ASCC3: variants seen among roughly 807,000 people sequenced by gnomAD.
The protein encoded by ASCC3 is ASC-1 complex subunit P200.
A neutral mutation model predicts 256.3 loss-of-function variants in ASCC3; 158 were observed. That is an observed-to-expected ratio of 0.62 (90% CI 0.54 to 0.70). ASCC3 has a LOEUF of 0.70. Ranked by LOEUF, ASCC3 falls within the 30% of genes least tolerant of loss-of-function variation. The pLI is 0.00. For synonymous variants in ASCC3, 948 were observed against 883.4 expected, an observed-to-expected ratio of 1.07 and a Z score of -1.30; for missense variants, 2,259 against 2,626.0, an observed-to-expected ratio of 0.86 and a Z score of 3.05.
chr6:100,873,574 A>G (rs544822539), intron 1 of ASCC3, among the ~76,000 whole-genome samples: 2 of 152,316 alleles, frequency 1.3e-5, no homozygotes, highest in East Asian at 3.9e-4. Context: ...GCACACTGTC[A>G]TCAGGTTATC....
At chr6:100,773,027 C>A (rs780683738) in intron 8 of ASCC3, among the ~76,000 whole-genome samples, 1 of 152,152 alleles carries the variant, frequency 6.6e-6, no homozygotes, top group South Asian at 2.1e-4. Context: ...ATAAAATATC[C>A]TAATTATTTC....
intron 4 of ASCC3, among the ~76,000 whole-genome samples, chr6:100,836,837 G>C (rs1582940291): frequency 6.6e-6 from 1 of 152,246 alleles, no homozygotes; most frequent in East Asian, 1.9e-4. Context: ...TTTATTGGCA[G>C]AATTCAGAAG....
At chr6:100,742,581 C>T (rs1478076411) in intron 10 of ASCC3, among the ~76,000 whole-genome samples, 1 of 152,182 alleles carries the variant, frequency 6.6e-6, no homozygotes, top group East Asian at 1.9e-4. Flanking sequence ...GCTGAAGCCC[C>T]CACAGGGAGG....
chr6:100,528,425 T>C (rs1774703049), intron 37 of ASCC3, among the ~76,000 whole-genome samples: 1 of 152,184 alleles, frequency 6.6e-6, no homozygotes, highest in Non-Finnish European at 1.5e-5. Flanking sequence ...CTTCTTCCCT[T>C]TATTTATGCA....
chr6:100,574,028 G>C (rs1020213336), intron 36 of ASCC3, among the ~76,000 whole-genome samples: 1 of 152,012 alleles, frequency 6.6e-6, no homozygotes, highest in African/African-American at 2.4e-5. Context: ...CTAAACACTT[G>C]CCATGCTTAC....
At chr6:100,871,702 G>A (rs1195475224) in intron 1 of ASCC3, among the ~76,000 whole-genome samples, 1 of 152,164 alleles carries the variant, frequency 6.6e-6, no homozygotes, top group East Asian at 1.9e-4. Flanking sequence ...GAAGGTCAAG[G>A]CTGCAGTAAG....
intron 1 of ASCC3, among the ~76,000 whole-genome samples, chr6:100,875,324 T>C (rs1436924279): frequency 6.6e-6 from 1 of 152,188 alleles, no homozygotes; most frequent in Non-Finnish European, 1.5e-5. Context: ...TCTATATGTA[T>C]AGAGGGCATC....
intron 36 of ASCC3, among the ~76,000 whole-genome samples, chr6:100,588,723 T>C (rs1771833768): frequency 6.6e-6 from 1 of 152,066 alleles, no homozygotes; most frequent in South Asian, 2.1e-4. Context: ...ACAAACTAGT[T>C]TCTTGTAGGG....
At chr6:100,716,320 A>C (rs1015968345) in intron 12 of ASCC3, among the ~76,000 whole-genome samples, 4 of 151,830 alleles carry the variant, frequency 2.6e-5, no homozygotes, top group Non-Finnish European at 5.9e-5. Flanking sequence ...AAAGGGTCTC[A>C]TATTCCTTAT....
intron 4 of ASCC3, among the ~76,000 whole-genome samples, chr6:100,832,568 A>G (rs919181862): frequency 6.6e-6 from 1 of 152,090 alleles, no homozygotes; most frequent in Non-Finnish European, 1.5e-5. Context: ...TGAATAAATC[A>G]TTTTTAACTT....
At chr6:100,546,531 A>G (rs947221872) in intron 36 of ASCC3, among the ~76,000 whole-genome samples, 12 of 152,182 alleles carry the variant, frequency 7.9e-5, no homozygotes, top group African/African-American at 2.9e-4. Context: ...AGACAACATT[A>G]AAAACGTGCT....
At chr6:100,799,296 A>AT (rs1175151701) in intron 7 of ASCC3, 135 bp downstream of exon 7, 1 of 965,702 alleles carries the variant, frequency 1.0e-6, no homozygotes, top group Non-Finnish European at 1.6e-6. Context: ...ACATTATGTC[A>AT]TTTTCCCCAA....
intron 34 of ASCC3, among the ~76,000 whole-genome samples, chr6:100,595,794 A>C (rs146894141): frequency 1.3e-4 from 20 of 152,330 alleles, no homozygotes; most frequent in Non-Finnish European, 2.6e-4. Flanking sequence ...AAATGAGTTA[A>C]GCTCCTGAAA....
chr6:100,681,968 T>G (rs2114968625), intron 13 of ASCC3, among the ~76,000 whole-genome samples: 1 of 152,254 alleles, frequency 6.6e-6, no homozygotes, highest in Middle Eastern at 3.4e-3. Flanking sequence ...TGATAAACAC[T>G]ATTTAATGCT....
intron 4 of ASCC3, among the ~76,000 whole-genome samples, chr6:100,846,238 T>C (rs1297960968): frequency 2.6e-5 from 4 of 152,200 alleles, no homozygotes; most frequent in Admixed American, 2.0e-4. Flanking sequence ...TCCTGAAGTA[T>C]CACTTGAAAA....
intron 10 of ASCC3, 149 bp from the exon 11 acceptor site, chr6:100,725,852 T>C (rs1779595978): frequency 7.9e-6 from 6 of 763,254 alleles, no homozygotes; most frequent in African/African-American, 3.5e-5. Context: ...TAATTTACTA[T>C]AGACAACAGT....
rs559671402 is a variant in ASCC3 at position 100,767,458 on chromosome 6, A to T, written c.1396-113T>A. 5.3e-5 allele frequency: 58 copies of T among 1,089,792 alleles called. No homozygotes were observed. The East Asian group carries it at 1.4e-3, about 27-fold the overall frequency. The allele number at this position is 1,089,792 out of a possible 1,614,324, so 67.5% of individuals were successfully genotyped here. ...TTTTTTAAAAAAAAGACTAATTTGT[A>T]CTTTCACAATGTGTCTTTTATTTAA... On this transcript the variant is annotated intron_variant, in intron 8 of 41. Coordinates refer to ENST00000369162, the MANE Select transcript of ASCC3 (RefSeq NM_006828.4).
At chr6:100,686,064 T>C (rs999941318) in intron 13 of ASCC3, among the ~76,000 whole-genome samples, 2 of 152,226 alleles carry the variant, frequency 1.3e-5, no homozygotes, top group African/African-American at 2.4e-5. Flanking sequence ...ATATAACACA[T>C]TGAGCCCAAT....
intron 1 of ASCC3, among the ~76,000 whole-genome samples, chr6:100,877,725 TAGA>T (rs1769054243): frequency 6.6e-6 from 1 of 152,196 alleles, no homozygotes; most frequent in South Asian, 2.1e-4. Flanking sequence ...CAATAATTAC[TAGA>T]GATTCTGCTT....
Sources: allele counts gnomAD v4.1 joint callset (sites outside exome capture counted in the v4.1 genomes callset), GRCh38; gene constraint gnomAD v4.1.1; transcripts MANE v1.5; gene names NCBI Gene and HGNC (gene_info 2026-07-23, HGNC 2026-07-21).